Variants in SPECC1L observed in about 807,000 individuals in gnomAD.
The protein encoded by SPECC1L is sperm antigen with calponin homology and coiled-coil domains 1 like, also known as cytospin-A.
Under a neutral mutation model 116.8 loss-of-function variants are expected in SPECC1L, and 40 were observed. The ratio of observed to expected loss-of-function variants is 0.34; its 90% CI spans 0.27 to 0.45. The LOEUF (loss-of-function observed/expected upper bound fraction) is 0.45. Ranked by LOEUF, SPECC1L falls within the 20% of genes least tolerant of loss-of-function variation. The probability of loss-of-function intolerance (pLI) is 1.00; values close to 1 mark genes in which losing one functional copy is unlikely to be tolerated. For missense variants in SPECC1L, 1,110 were observed against 1,373.6 expected, an observed-to-expected ratio of 0.81 and a Z score of 3.03; for synonymous variants, 504 against 500.6, an observed-to-expected ratio of 1.01 and a Z score of -0.09.
At chr22:24,287,847 G>A (rs2049071704) in intron 2 of SPECC1L, among the ~76,000 whole-genome samples, 1 of 152,084 alleles carries the variant, frequency 6.6e-6, no homozygotes, top group Non-Finnish European at 1.5e-5. Context: ...CCTTCTTGCC[G>A]GTGAGGTTTG....
intron 4 of SPECC1L, among the ~76,000 whole-genome samples, chr22:24,317,253 G>A (rs2040599809): frequency 8.2e-6 from 1 of 121,878 alleles, no homozygotes; most frequent in African/African-American, 2.9e-5. Context: ...CGGCTGGCCG[G>A]GCGGGGGGCT....
At chr22:24,343,301 G>GTA (rs2041218036) in intron 10 of SPECC1L, among the ~76,000 whole-genome samples, 2 of 152,102 alleles carry the variant, frequency 1.3e-5, no homozygotes, top group Admixed American at 6.5e-5. Context: ...CAAGACAAGC[G>GTA]TATATAAACA....
Position 24,307,157 on chromosome 22 carries a change from G to T in SPECC1L, c.153+4773G>T, listed in dbSNP as rs191065411. Among the ~76,000 whole-genome samples the T allele has an allele frequency of 2.6e-5, 4 of 152,240 alleles. No homozygotes were observed. The South Asian group carries it at 6.2e-4, about 24-fold the overall frequency. On this transcript the variant is annotated intron_variant, in intron 3 of 16. Transcript: ENST00000314328. ...CAAGGCCCTGCTTTCAATTTTGGGG[G>T]GGGTATATACCCGTAGGTGGAATTG...
chr22:24,390,863 TTTTCTTTTC>T (rs2042251293), intron 14 of SPECC1L, among the ~76,000 whole-genome samples: 2 of 71,736 alleles, frequency 2.8e-5, no homozygotes, highest in African/African-American at 5.0e-5. Flanking sequence ...TTTTTTTTTT[TTTTCTTTTC>T]TTTTTTTTTT....
chr22:24,335,537 G>A (rs6004135), intron 9 of SPECC1L, among the ~76,000 whole-genome samples: 188 of 152,282 alleles, frequency 1.2e-3, no homozygotes, highest in African/African-American at 4.1e-3. Flanking sequence ...AAAGGAAAAG[G>A]GATGTGGTTT....
intron 11 of SPECC1L, among the ~76,000 whole-genome samples, chr22:24,359,597 C>T (rs1384199204): frequency 6.6e-6 from 1 of 152,004 alleles, no homozygotes; most frequent in Non-Finnish European, 1.5e-5. Context: ...TAGATAAAGT[C>T]CAAACGCCTT....
At chr22:24,300,468 C>G (rs889994900) in intron 2 of SPECC1L, among the ~76,000 whole-genome samples, 1 of 152,090 alleles carries the variant, frequency 6.6e-6, no homozygotes. Flanking sequence ...TATAGTGGAA[C>G]GATTTGTATT....
Position 24,324,223 on chromosome 22 carries a change from G to A in SPECC1L, c.1942G>A (p.Glu648Lys), listed in dbSNP as rs764487800. The part of the protein sequence containing the change: ...NRLQDAIAKV[E>K]DEYRAFQEEA... Reference sequence around the variant, plus strand: ...CTGCATCGTCAATTTTACGTAGGTAGAGGATGAATACCGAGCCTTCCAAGA... The same window carrying A: ...CTGCATCGTCAATTTTACGTAGGTAAAGGATGAATACCGAGCCTTCCAAGA... The change falls in exon 6 of 17, where the codon GAG becomes AAG. Residue 648 changes from glutamate to lysine, a missense_variant. By Grantham distance (56) the Glu-to-Lys change is moderately conservative. Coordinates refer to ENST00000314328, the MANE Select transcript of SPECC1L (RefSeq NM_015330.6). 21 of 1,613,330 alleles carry A rather than the reference G, an allele frequency of 1.3e-5. No homozygotes were observed. The highest frequency in any genetic ancestry group is 6.7e-5 in the African/African-American group (5 of 74,916).
intron 6 of SPECC1L, 37 bp from the exon 7 acceptor site, chr22:24,328,809 G>A (rs762216052): frequency 7.4e-6 from 11 of 1,494,336 alleles, no homozygotes; most frequent in Non-Finnish European, 6.5e-6. Flanking sequence ...GAAGATTGTT[G>A]TGAGAATAGA....
chr22:24,352,382 T>C (rs912527706), intron 11 of SPECC1L, among the ~76,000 whole-genome samples: 3 of 152,224 alleles, frequency 2.0e-5, no homozygotes, highest in Admixed American at 2.0e-4. Flanking sequence ...TGTGACCCTA[T>C]CACCGTGTCT....
At chr22:24,336,485 C>G (rs2041060324) in intron 9 of SPECC1L, among the ~76,000 whole-genome samples, 1 of 151,914 alleles carries the variant, frequency 6.6e-6, no homozygotes, top group African/African-American at 2.4e-5. Context: ...CCTGTAGTTC[C>G]AACTACTTAT....
chr22:24,363,449 C>A, intron 12 of SPECC1L, 105 bp downstream of exon 12: 1 of 956,044 alleles, frequency 1.0e-6, no homozygotes, highest in Non-Finnish European at 1.6e-6. Flanking sequence ...AAGCTATGCT[C>A]TCACTGGCCT....
At chr22:24,398,780 A>G (rs868283195) in intron 14 of SPECC1L, among the ~76,000 whole-genome samples, 2 of 152,220 alleles carry the variant, frequency 1.3e-5, no homozygotes, top group South Asian at 4.1e-4. Flanking sequence ...CAAACAATCC[A>G]GTTCCCCTAA....
At chr22:24,366,490 G>C (rs1383529048) in intron 13 of SPECC1L, among the ~76,000 whole-genome samples, 1 of 152,134 alleles carries the variant, frequency 6.6e-6, no homozygotes, top group African/African-American at 2.4e-5. Flanking sequence ...ACCGTGCCTG[G>C]CCTGGAACTT....
intron 13 of SPECC1L, 99 bp downstream of exon 13, chr22:24,365,731 ATTTTTCTTT>A: frequency 7.1e-7 from 1 of 1,409,408 alleles, no homozygotes; most frequent in South Asian, 1.2e-5. Flanking sequence ...GAGCACTGTG[ATTTTTCTTT>A]TTCTGTGTGT....
In SPECC1L at chr22:24,334,702, C is replaced by T. The variant is rs1480134575; in HGVS notation, c.2560+129C>T. ...CATTAACTTTCATATAGTATTAATGCACTAGACTTAACAGAAGGTGATATT... is the reference window on the plus strand; with the variant it reads ...CATTAACTTTCATATAGTATTAATGTACTAGACTTAACAGAAGGTGATATT... On this transcript the variant is annotated intron_variant, in intron 9 of 16. Transcript: ENST00000314328. The T allele has an allele frequency of 3.0e-6, 3 of 994,060 alleles. No homozygotes were observed. The East Asian group carries it at 7.3e-5, about 24-fold the overall frequency. The allele number at this position is 994,060 out of a possible 1,614,324, so 61.6% of individuals were successfully genotyped here. A position where few individuals can be genotyped will look rare whatever the true frequency, so the allele number is the denominator to read the frequency against.
At chr22:24,271,844 C>T (rs1021859475) in intron 1 of SPECC1L, among the ~76,000 whole-genome samples, 2 of 152,184 alleles carry the variant, frequency 1.3e-5, no homozygotes, top group African/African-American at 4.8e-5. Flanking sequence ...TTTCAGGGAA[C>T]AGTGTTTTCT....
At chr22:24,365,345 C>A in intron 12 of SPECC1L, 131 bp from the exon 13 acceptor site, 1 of 800,092 alleles carries the variant, frequency 1.2e-6, no homozygotes, top group Non-Finnish European at 2.0e-6. Flanking sequence ...AAATACTTTC[C>A]AGTTATCAAT....
At position 24,302,071 on chromosome 22, in the gene SPECC1L, A is replaced by G. The variant is rs185937709; in HGVS notation, c.-37-124A>G. 2.4e-5 allele frequency: 19 copies of G among 798,660 alleles called. No homozygotes were observed. The Admixed American group carries it at 4.5e-4, about 19-fold the overall frequency. The allele number at this position is 798,660 out of a possible 1,614,324, so 49.5% of individuals were successfully genotyped here. A position where few individuals can be genotyped will look rare whatever the true frequency, so the allele number is the denominator to read the frequency against. On this transcript the variant is annotated intron_variant, in intron 2 of 16. Coordinates refer to ENST00000314328, the MANE Select transcript of SPECC1L (RefSeq NM_015330.6). ...AAAAAAAAAAAAAAATTTTTTTTCA[A>G]CTTTTCTGTAGTGACATCTAGCTTT...
Sources: gnomAD v4.1 joint callset for allele counts (sites outside exome capture counted in the v4.1 genomes callset) on GRCh38, gnomAD v4.1.1 for gene constraint, MANE v1.5 for transcripts, NCBI Gene and HGNC (gene_info 2026-07-23, HGNC 2026-07-21) for gene names.